PTPRT: variants seen among roughly 807,000 people sequenced by gnomAD.
PTPRT encodes the protein protein tyrosine phosphatase receptor type T.
Under a neutral mutation model 176.8 loss-of-function variants are expected in PTPRT, and 56 were observed. That is an observed-to-expected ratio of 0.32 (90% CI 0.26 to 0.40). PTPRT has a LOEUF of 0.40. PTPRT is among the 10% of genes least tolerant of loss of function. PTPRT has a pLI of 1.00. For synonymous variants in PTPRT, 783 were observed against 739.0 expected, an observed-to-expected ratio of 1.06 and a Z score of -0.96; for missense variants, 1,540 against 1,908.2, an observed-to-expected ratio of 0.81 and a Z score of 3.60.
At chr20:42,938,680 C>A (rs761718873) in intron 1 of PTPRT, among the ~76,000 whole-genome samples, 4 of 152,276 alleles carry the variant, frequency 2.6e-5, no homozygotes, top group East Asian at 1.9e-4. Flanking sequence ...TCCCTCCCCC[C>A]CATGCTTGCT....
At chr20:42,494,872 T>C (rs1211504670) in intron 7 of PTPRT, among the ~76,000 whole-genome samples, 1 of 152,186 alleles carries the variant, frequency 6.6e-6, no homozygotes, top group African/African-American at 2.4e-5. Flanking sequence ...CCAAATTTTC[T>C]ATAATGAACA....
At chr20:42,683,267 GT>G (rs1319767298) in intron 6 of PTPRT, among the ~76,000 whole-genome samples, 2 of 68,532 alleles carry the variant, frequency 2.9e-5, no homozygotes, top group Admixed American at 2.7e-4. Context: ...CCTTTTACTT[GT>G]TTTTTTTGTT....
chr20:42,894,877 G>A (rs2079266149), intron 1 of PTPRT, among the ~76,000 whole-genome samples: 1 of 152,162 alleles, frequency 6.6e-6, no homozygotes, highest in Non-Finnish European at 1.5e-5. Context: ...AAGAAATGGA[G>A]TAGGGGGCTT....
intron 7 of PTPRT, among the ~76,000 whole-genome samples, chr20:42,642,889 T>C (rs2074793826): frequency 6.6e-6 from 1 of 152,176 alleles, no homozygotes; most frequent in Non-Finnish European, 1.5e-5. Flanking sequence ...CTTGGCCACA[T>C]GACTTGTTTT....
intron 15 of PTPRT, among the ~76,000 whole-genome samples, chr20:42,210,611 G>C (rs1396945283): frequency 6.6e-6 from 1 of 151,008 alleles, no homozygotes; most frequent in East Asian, 1.9e-4. Flanking sequence ...CCTCTTCAAG[G>C]AGAACTACAA....
intron 12 of PTPRT, among the ~76,000 whole-genome samples, chr20:42,299,684 G>C (rs969177993): frequency 1.8e-5 from 2 of 113,722 alleles, no homozygotes; most frequent in South Asian, 5.6e-4. Flanking sequence ...TTTCACTCTC[G>C]TTGCCCAGGC....
At chr20:42,650,961 G>A (rs1003321006) in intron 7 of PTPRT, among the ~76,000 whole-genome samples, 2 of 151,886 alleles carry the variant, frequency 1.3e-5, no homozygotes, top group African/African-American at 4.8e-5. Flanking sequence ...CCATTTCTCT[G>A]GCGAAGCTCT....
At chr20:42,484,558 A>G (rs1353391728) in intron 7 of PTPRT, among the ~76,000 whole-genome samples, 1 of 152,186 alleles carries the variant, frequency 6.6e-6, no homozygotes, top group Non-Finnish European at 1.5e-5. Context: ...GAAGGAATGT[A>G]GCCCAATCTC....
At chr20:42,529,436 C>T (rs913724175) in intron 7 of PTPRT, among the ~76,000 whole-genome samples, 3 of 152,172 alleles carry the variant, frequency 2.0e-5, no homozygotes, top group Admixed American at 6.5e-5. Flanking sequence ...CTGCTGATAA[C>T]AGGTATCATC....
At chr20:42,296,449 A>C (rs200849209) in intron 12 of PTPRT, among the ~76,000 whole-genome samples, 29 of 89,602 alleles carry the variant, frequency 3.2e-4, no homozygotes, top group Middle Eastern at 4.9e-3. Flanking sequence ...CTGTCTCAAA[A>C]AAAAAAAAAA....
intron 1 of PTPRT, among the ~76,000 whole-genome samples, chr20:42,891,669 A>G (rs576449673): frequency 6.6e-6 from 1 of 152,358 alleles, no homozygotes; most frequent in South Asian, 2.1e-4. Flanking sequence ...ATAAAAATAT[A>G]AATGTGTCTT....
At chr20:42,646,000 T>C (rs914645365) in intron 7 of PTPRT, among the ~76,000 whole-genome samples, 1 of 152,130 alleles carries the variant, frequency 6.6e-6, no homozygotes, top group Non-Finnish European at 1.5e-5. Flanking sequence ...TCCTGGCTTG[T>C]AGTGAACACA....
In PTPRT at chr20:42,539,775, T is replaced by C. The variant is rs560139271; in HGVS notation, c.1154-67213A>G. ...CATTCAGAAAACAATAAAAAGCTCT[T>C]GGAAATTAAAAATAGGACACTATAT... On this transcript the variant is annotated intron_variant, in intron 7 of 30. Coordinates refer to ENST00000373187, the MANE Select transcript of PTPRT (RefSeq NM_007050.6). Among the ~76,000 whole-genome samples, 7 of 152,086 alleles carry C rather than the reference T, an allele frequency of 4.6e-5. No homozygotes were observed. The South Asian group carries it at 1.5e-3, about 32-fold the overall frequency.
chr20:42,319,333 T>A lies in PTPRT; in HGVS notation c.1866-3337A>T, dbSNP rs545658236. ...AACGTATAAAGGGGCTTCCAAGCATTTTTTTTTAACTTGGCATCCTAAACT... is the reference window on the plus strand; with the variant it reads ...AACGTATAAAGGGGCTTCCAAGCATATTTTTTTAACTTGGCATCCTAAACT... On this transcript the variant is annotated intron_variant, in intron 11 of 30. Transcript: ENST00000373187. 4.6e-5 allele frequency among the ~76,000 whole-genome samples: 7 copies of A among 151,766 alleles called. No individual in the cohort carries two copies. The East Asian group carries it at 1.4e-3, about 29-fold the overall frequency.
intron 7 of PTPRT, among the ~76,000 whole-genome samples, chr20:42,614,921 TC>T (rs1210620044): frequency 1.4e-5 from 2 of 138,646 alleles, no homozygotes; most frequent in Admixed American, 1.4e-4. Flanking sequence ...TTTGTTGTTT[TC>T]TTTTTTTTTT....
intron 13 of PTPRT, among the ~76,000 whole-genome samples, chr20:42,279,256 C>T (rs1234561553): frequency 6.6e-6 from 1 of 151,950 alleles, no homozygotes; most frequent in Non-Finnish European, 1.5e-5. Flanking sequence ...TTTTGCTACC[C>T]TAATCAAACA....
intron 7 of PTPRT, among the ~76,000 whole-genome samples, chr20:42,628,881 A>G (rs932641439): frequency 2.6e-5 from 4 of 152,178 alleles, no homozygotes; most frequent in South Asian, 2.1e-4. Flanking sequence ...AAATGCTAAC[A>G]TATTTACTAA....
At chr20:42,475,281 C>T (rs575597306) in intron 7 of PTPRT, among the ~76,000 whole-genome samples, 54 of 152,268 alleles carry the variant, frequency 3.5e-4, no homozygotes, top group African/African-American at 1.2e-3. Flanking sequence ...TGACAAAGTG[C>T]GGTTTTGAAC....
At chr20:42,683,022 T>A (rs2075629562) in intron 6 of PTPRT, among the ~76,000 whole-genome samples, 2 of 152,204 alleles carry the variant, frequency 1.3e-5, no homozygotes, top group South Asian at 2.1e-4. Flanking sequence ...AGCCTTGATA[T>A]GATTAAGGTG....
Sources: gnomAD v4.1 joint callset for allele counts (sites outside exome capture counted in the v4.1 genomes callset) on GRCh38, gnomAD v4.1.1 for gene constraint, MANE v1.5 for transcripts, NCBI Gene and HGNC (gene_info 2026-07-23, HGNC 2026-07-21) for gene names.